The following MAPRE2 variants were observed in gnomAD, a reference collection of about 807,000 sequenced individuals.
MAPRE2 encodes the protein microtubule-associated protein RP/EB family member 2.
In MAPRE2, 13 loss-of-function variants were observed where a neutral mutation model predicts 43.2. The observed-to-expected ratio is 0.30, with a 90% CI of 0.20 to 0.48. MAPRE2 has a LOEUF of 0.48. Among genes scored for constraint, MAPRE2 ranks in the 20% least tolerant of loss-of-function variants. The probability of loss-of-function intolerance (pLI) is 0.99; values close to 1 mark genes in which losing one functional copy is unlikely to be tolerated. For missense variants in MAPRE2, 161 were observed against 400.2 expected, an observed-to-expected ratio of 0.40 and a Z score of 5.10; for synonymous variants, 135 against 148.8, an observed-to-expected ratio of 0.91 and a Z score of 0.68.
chr18:35,069,676 A>G (rs572840611), intron 1 of MAPRE2, among the ~76,000 whole-genome samples: 2 of 152,324 alleles, frequency 1.3e-5, no homozygotes, highest in South Asian at 2.1e-4. Flanking sequence ...TACATATACA[A>G]TATATCAATA....
At chr18:35,115,447 A>C (rs1909367764) in intron 4 of MAPRE2, among the ~76,000 whole-genome samples, 1 of 152,130 alleles carries the variant, frequency 6.6e-6, no homozygotes, top group African/African-American at 2.4e-5. Context: ...GAGATTTCTG[A>C]GATTTTAGTG....
At chr18:35,138,078 T>C (rs1439419892) in intron 6 of MAPRE2, among the ~76,000 whole-genome samples, 2 of 152,172 alleles carry the variant, frequency 1.3e-5, no homozygotes, top group Non-Finnish European at 2.9e-5. Context: ...GCCACACTGT[T>C]GGTGAGGCAC....
intron 2 of MAPRE2, among the ~76,000 whole-genome samples, chr18:35,082,876 T>C (rs1441395786): frequency 6.6e-6 from 1 of 152,178 alleles, no homozygotes; most frequent in Non-Finnish European, 1.5e-5. Flanking sequence ...TATTTATGTA[T>C]CTAGGCCATA....
intron 2 of MAPRE2, among the ~76,000 whole-genome samples, chr18:35,083,674 T>A (rs1420527553): frequency 6.6e-6 from 1 of 152,180 alleles, no homozygotes; most frequent in African/African-American, 2.4e-5. Flanking sequence ...TTTGGTAAAA[T>A]TTGATGAGCA....
At chr18:35,006,414 C>T (rs1046145615) in intron 2 of MAPRE2, among the ~76,000 whole-genome samples, 1 of 152,050 alleles carries the variant, frequency 6.6e-6, no homozygotes, top group Non-Finnish European at 1.5e-5. Flanking sequence ...AAATTAGAAA[C>T]CTCATTCTTG....
intron 2 of MAPRE2, among the ~76,000 whole-genome samples, chr18:35,007,215 G>T (rs2097032263): frequency 6.6e-6 from 1 of 152,166 alleles, no homozygotes; most frequent in Admixed American, 6.5e-5. Context: ...CATATGTCGG[G>T]TCTGTATGAG....
rs530577982 is a variant in MAPRE2 at position 35,032,517 on chromosome 18, G to A, written c.-8+26964G>A. Among the ~76,000 whole-genome samples, 4 of 152,240 alleles carry A rather than the reference G, an allele frequency of 2.6e-5. No homozygotes were observed. In the South Asian group the frequency reaches 8.3e-4, roughly 32 times the overall value. ...ATATGTGTTGGAGAAGTGGAGGGAT[G>A]ATGATTTCTGTCAATACAGAATTAT... On this transcript the variant is annotated intron_variant, in intron 2 of 7. Coordinates refer to the MAPRE2 transcript ENST00000413393.
intron 1 of MAPRE2, among the ~76,000 whole-genome samples, chr18:34,980,023 CTTTTTTTCTTTTTTTTTTTTTT>C (rs1407949853): frequency 7.5e-6 from 1 of 132,506 alleles, no homozygotes; most frequent in East Asian, 2.2e-4. Flanking sequence ...TTTTCTTTTT[CTTTTTTTCTTTTTTTTTTTTTT>C]TTTTTTTTTG....
At chr18:35,129,443 T>G (rs1910050714) in intron 5 of MAPRE2, among the ~76,000 whole-genome samples, 1 of 152,178 alleles carries the variant, frequency 6.6e-6, no homozygotes, top group Non-Finnish European at 1.5e-5. Flanking sequence ...TAGAGGAGTC[T>G]CATTTGCTTG....
At chr18:35,036,215 C>T (rs747631630) in intron 2 of MAPRE2, among the ~76,000 whole-genome samples, 6 of 152,036 alleles carry the variant, frequency 3.9e-5, no homozygotes, top group East Asian at 1.9e-4. Flanking sequence ...CTCCCACCGA[C>T]GATTGCATCC....
At chr18:35,041,411 G>A, upstream of MAPRE2, 7 of 1,545,382 alleles carry the variant, frequency 4.5e-6, no homozygotes, top group Non-Finnish European at 6.1e-6. Flanking sequence ...AGCGAGAGCT[G>A]GGAGAAGGCA....
chr18:35,068,803 G>A (rs1906965038), intron 1 of MAPRE2, among the ~76,000 whole-genome samples: 1 of 152,200 alleles, frequency 6.6e-6, no homozygotes, highest in Non-Finnish European at 1.5e-5. Context: ...GGCAGTCAGA[G>A]GTAATAGTTA....
At position 35,095,390 on chromosome 18, in the gene MAPRE2, A is replaced by G. The variant is rs62095439; in HGVS notation, c.251-2056A>G. On this transcript the variant is annotated intron_variant, in intron 2 of 6. Coordinates refer to ENST00000300249, the MANE Select transcript of MAPRE2 (RefSeq NM_014268.4). The stretch of plus-strand genomic sequence containing the variant: ...CACACACACACACACACACACACAC[A>G]CACACACACACGCACACACACACTC... 2.5e-3 allele frequency among the ~76,000 whole-genome samples: 360 copies of G among 145,720 alleles called. 2 individuals are homozygous for G. The highest frequency in any genetic ancestry group is 7.8e-3 in the African/African-American group (288 of 36,758).
intron 1 of MAPRE2, among the ~76,000 whole-genome samples, chr18:35,045,080 ATG>A (rs1331404792): frequency 2.0e-5 from 3 of 152,226 alleles, no homozygotes. Flanking sequence ...TCATAGAGAC[ATG>A]TTTTCACTCC....
intron 1 of MAPRE2, among the ~76,000 whole-genome samples, chr18:35,055,743 C>T (rs1010870261): frequency 3.9e-5 from 6 of 152,030 alleles, no homozygotes; most frequent in African/African-American, 1.4e-4. Context: ...ATGAGGTTAG[C>T]AGTTCAAGAC....
intron 1 of MAPRE2, among the ~76,000 whole-genome samples, chr18:34,992,472 A>C (rs1225631656): frequency 6.6e-6 from 1 of 152,206 alleles, no homozygotes; most frequent in Admixed American, 6.5e-5. Context: ...ATCTAAGCCA[A>C]CTCAATTCAC....
intron 2 of MAPRE2, among the ~76,000 whole-genome samples, chr18:35,025,614 T>C (rs2097044674): frequency 6.6e-6 from 1 of 152,224 alleles, no homozygotes; most frequent in Non-Finnish European, 1.5e-5. Flanking sequence ...ACAACTCGGA[T>C]ACTGTTAACA....
chr18:35,041,669 G>T lies in MAPRE2; in HGVS notation c.122+8G>T. ...CGGGGAGCGTTCCTACAGGTAATGGGGCTGGCACGAGAGCAGCGCCGGGGA... is the reference window on the plus strand; with the variant it reads ...CGGGGAGCGTTCCTACAGGTAATGGTGCTGGCACGAGAGCAGCGCCGGGGA... On this transcript the variant is annotated splice_region_variant and intron_variant, in intron 1 of 6. Transcript: ENST00000300249. 6.2e-7 allele frequency: 1 copy of T among 1,614,178 alleles called. No homozygotes were observed. The highest frequency in any genetic ancestry group is 8.5e-7 in the Non-Finnish European group (1 of 1,180,022).
intron 2 of MAPRE2, among the ~76,000 whole-genome samples, chr18:35,095,185 C>G (rs1410582778): frequency 1.3e-5 from 2 of 151,790 alleles, no homozygotes; most frequent in African/African-American, 4.8e-5. Flanking sequence ...TTTATGTATT[C>G]TTGGTTCGAG....
Sources: gnomAD v4.1 joint callset for allele counts (sites outside exome capture counted in the v4.1 genomes callset) on GRCh38, gnomAD v4.1.1 for gene constraint, MANE v1.5 for transcripts, NCBI Gene and HGNC (gene_info 2026-07-23, HGNC 2026-07-21) for gene names.